DPYD: variants seen among roughly 807,000 people sequenced by gnomAD.
The protein encoded by DPYD is dihydropyrimidine dehydrogenase, also known as dihydropyrimidine dehydrogenase [NADP(+)].
In DPYD, 109 loss-of-function variants were observed where a neutral mutation model predicts 116.2. That is an observed-to-expected ratio of 0.94 (90% CI 0.80 to 1.10). The LOEUF (loss-of-function observed/expected upper bound fraction) is 1.10, where lower values mean the gene tolerates loss of function less well. Among genes scored for constraint, DPYD ranks in the 50% least tolerant of loss-of-function variants. The probability of loss-of-function intolerance (pLI) is 0.00; values close to 1 mark genes in which losing one functional copy is unlikely to be tolerated. For missense variants in DPYD, 1,302 were observed against 1,254.5 expected, an observed-to-expected ratio of 1.04 and a Z score of -0.57; for synonymous variants, 440 against 432.0, an observed-to-expected ratio of 1.02 and a Z score of -0.23.
chr1:97,652,840 T>C (rs1658666281), intron 8 of DPYD, among the ~76,000 whole-genome samples: 1 of 152,186 alleles, frequency 6.6e-6, no homozygotes, highest in Non-Finnish European at 1.5e-5. Flanking sequence ...TAATTGTTTA[T>C]TTGTCTCCTA....
chr1:97,910,201 T>C (rs954611329), intron 1 of DPYD, among the ~76,000 whole-genome samples: 2 of 152,256 alleles, frequency 1.3e-5, no homozygotes, highest in Non-Finnish European at 1.5e-5. Context: ...TTTTTACTAT[T>C]GTTCCTCCAT....
At chr1:97,423,064 G>A (rs1395563435) in intron 14 of DPYD, among the ~76,000 whole-genome samples, 2 of 151,962 alleles carry the variant, frequency 1.3e-5, no homozygotes, top group African/African-American at 4.8e-5. Context: ...GAAAAAGCCA[G>A]TATTGCTGGA....
intron 13 of DPYD, among the ~76,000 whole-genome samples, chr1:97,487,390 G>T (rs1245543648): frequency 2.0e-5 from 3 of 152,030 alleles, no homozygotes; most frequent in Admixed American, 6.6e-5. Context: ...AAATGACAAT[G>T]AGGCCAGGCG....
chr1:97,524,530 A>G (rs1648912943), intron 12 of DPYD, among the ~76,000 whole-genome samples: 1 of 152,180 alleles, frequency 6.6e-6, no homozygotes, highest in Non-Finnish European at 1.5e-5. Flanking sequence ...AAAAATCAGA[A>G]CTAGTCATGG....
intron 5 of DPYD, chr1:97,700,257 G>A (rs1661524828): frequency 4.4e-6 from 2 of 455,784 alleles, no homozygotes; most frequent in Admixed American, 4.7e-5. Flanking sequence ...GCAGTCTTTT[G>A]AAACCAGAGA....
chr1:97,347,700 T>C (rs1419539646), intron 16 of DPYD, among the ~76,000 whole-genome samples: 1 of 152,014 alleles, frequency 6.6e-6, no homozygotes, highest in African/African-American at 2.4e-5. Context: ...ACAGACAAAA[T>C]TGTAGGTATT....
intron 8 of DPYD, among the ~76,000 whole-genome samples, chr1:97,661,426 T>A (rs1408068602): frequency 6.6e-6 from 1 of 152,204 alleles, no homozygotes; most frequent in African/African-American, 2.4e-5. Context: ...CCATAATGCA[T>A]AATGCATATT....
intron 8 of DPYD, among the ~76,000 whole-genome samples, chr1:97,620,613 A>G (rs1450201885): frequency 1.3e-5 from 2 of 152,208 alleles, no homozygotes; most frequent in African/African-American, 4.8e-5. Flanking sequence ...AATTTATTTC[A>G]GTGAAGTTTC....
At chr1:97,513,260 G>A (rs1206327993) in intron 13 of DPYD, among the ~76,000 whole-genome samples, 3 of 151,516 alleles carry the variant, frequency 2.0e-5, no homozygotes, top group Admixed American at 1.3e-4. Flanking sequence ...CAAAGTTCAC[G>A]CAAACATATT....
At chr1:97,550,925 GCTTT>G (rs1427687562) in intron 11 of DPYD, among the ~76,000 whole-genome samples, 1 of 152,158 alleles carries the variant, frequency 6.6e-6, no homozygotes, top group Admixed American at 6.5e-5. Flanking sequence ...TATATTTGTA[GCTTT>G]CTACTTAAAG....
At chr1:97,353,787 T>C (rs1393209584) in intron 16 of DPYD, among the ~76,000 whole-genome samples, 3 of 152,210 alleles carry the variant, frequency 2.0e-5, no homozygotes, top group South Asian at 2.1e-4. Flanking sequence ...AGAGGAACTT[T>C]CATAACTTCC....
chr1:97,891,932 T>C (rs990190900), intron 1 of DPYD, among the ~76,000 whole-genome samples: 1 of 151,924 alleles, frequency 6.6e-6, no homozygotes, highest in South Asian at 2.1e-4. Context: ...TTCTGAGCCA[T>C]TAAAATGATA....
intron 19 of DPYD, among the ~76,000 whole-genome samples, chr1:97,233,091 G>T (rs1383081943): frequency 6.6e-6 from 1 of 152,128 alleles, no homozygotes; most frequent in African/African-American, 2.4e-5. Flanking sequence ...CCTCCTTAAT[G>T]CCAGATAGAA....
At chr1:97,898,068 T>G (rs1163630156) in intron 1 of DPYD, among the ~76,000 whole-genome samples, 1 of 151,802 alleles carries the variant, frequency 6.6e-6, no homozygotes, top group Non-Finnish European at 1.5e-5. Context: ...GCATTTGCTC[T>G]GGGGCTAATT....
intron 1 of DPYD, among the ~76,000 whole-genome samples, chr1:97,886,780 G>A (rs1272355373): frequency 6.6e-6 from 1 of 151,924 alleles, no homozygotes; most frequent in Non-Finnish European, 1.5e-5. Context: ...TAAGAAGAGG[G>A]AGGTAGCTTC....
In DPYD at chr1:97,193,258, A is replaced by G. The variant is rs1658511424; in HGVS notation, c.2443-10T>C. 6.2e-7 allele frequency: 1 copy of G among 1,612,410 alleles called. No homozygotes were observed. On this transcript the variant is annotated splice_polypyrimidine_tract_variant and intron_variant, in intron 19 of 22. Transcript: ENST00000370192. ...GAATGGCACTGCATACCTAGAAAAG[A>G]CAGAGCAGTCAACCAAGTGTCAAAC...
Position 97,784,856 on chromosome 1 carries a change from T to C in DPYD, c.233+43258A>G, listed in dbSNP as rs552353591. 6.6e-5 allele frequency among the ~76,000 whole-genome samples: 10 copies of C among 152,270 alleles called. No individual in the cohort carries two copies. The East Asian group carries it at 1.7e-3, about 26-fold the overall frequency. The stretch of plus-strand genomic sequence containing the variant: ...ACAGTTAAATAGACACTAACAAAGG[T>C]AGCCAATACATAAAATTTTATGTCC... On this transcript the variant is annotated intron_variant, in intron 3 of 22. Coordinates refer to ENST00000370192, the MANE Select transcript of DPYD (RefSeq NM_000110.4).
chr1:97,306,259 C>A lies in DPYD; in HGVS notation c.2097G>T (p.Arg699Ser), dbSNP rs765640386. The change falls in exon 17 of 23, where the codon AGG becomes AGT. Residue 699 changes from arginine to serine, a missense_variant. Transcript: ENST00000370192. ...CAAAAAAAGGAATCTGAACAGCTTG[C>A]CTAACCCAGCGGCAGATGTTCCGCA... ...ELVRNICRWV[R>S]QAVQIPFFAK... 6.2e-7 allele frequency: 1 copy of A among 1,612,420 alleles called. No individual in the cohort carries two copies. The highest frequency in any genetic ancestry group is 1.7e-5 in the Admixed American group (1 of 59,908).
At chr1:97,588,758 T>C (rs1443270750) in intron 10 of DPYD, among the ~76,000 whole-genome samples, 5 of 152,182 alleles carry the variant, frequency 3.3e-5, no homozygotes, top group Non-Finnish European at 7.3e-5. Context: ...CTATTTAGCA[T>C]GTGTGTGAGG....
Sources: allele counts gnomAD v4.1 joint callset (sites outside exome capture counted in the v4.1 genomes callset), GRCh38; gene constraint gnomAD v4.1.1; transcripts MANE v1.5; gene names NCBI Gene and HGNC (gene_info 2026-07-23, HGNC 2026-07-21).